SH3RF2: variants seen among roughly 807,000 people sequenced by gnomAD.
SH3RF2 encodes E3 ubiquitin-protein ligase SH3RF2.
A neutral mutation model predicts 59.0 loss-of-function variants in SH3RF2; 43 were observed. The ratio of observed to expected loss-of-function variants is 0.73; its 90% CI spans 0.57 to 0.94. The LOEUF (loss-of-function observed/expected upper bound fraction) is 0.94, where lower values mean the gene tolerates loss of function less well. Among genes scored for constraint, SH3RF2 ranks in the 40% least tolerant of loss-of-function variants. The probability of loss-of-function intolerance (pLI) is 0.00; values close to 1 mark genes in which losing one functional copy is unlikely to be tolerated. For synonymous variants in SH3RF2, 391 were observed against 391.5 expected (o/e 1.00, Z 0.01); for missense variants, 930 against 940.1 (o/e 0.99, Z 0.14).
intron 5 of SH3RF2, among the ~76,000 whole-genome samples, chr5:146,035,460 C>A (rs1457579623): frequency 1.3e-5 from 2 of 151,858 alleles, no homozygotes; most frequent in African/African-American, 2.4e-5. Flanking sequence ...AGGAAAAAAG[C>A]GTCCCTAAAC....
chr5:146,032,084 T>C (rs1761764221), intron 5 of SH3RF2, among the ~76,000 whole-genome samples: 1 of 152,230 alleles, frequency 6.6e-6, no homozygotes, highest in African/African-American at 2.4e-5. Context: ...CTGCTTCCTT[T>C]ATGGTGTATA....
chr5:146,032,663 C>T (rs889352937), intron 5 of SH3RF2, among the ~76,000 whole-genome samples: 2 of 152,190 alleles, frequency 1.3e-5, no homozygotes, highest in Admixed American at 6.5e-5. Flanking sequence ...CAAACCTCAG[C>T]TCAGGGCCAA....
At chr5:146,006,310 A>G (rs528855137) in intron 4 of SH3RF2, among the ~76,000 whole-genome samples, 1 of 151,978 alleles carries the variant, frequency 6.6e-6, no homozygotes, top group Admixed American at 6.6e-5. Context: ...GTTCCCAGCT[A>G]CTCCGGAGGC....
intron 2 of SH3RF2, among the ~76,000 whole-genome samples, chr5:145,964,127 C>T (rs527420486): frequency 1.3e-5 from 2 of 151,814 alleles, no homozygotes; most frequent in Non-Finnish European, 2.9e-5. Context: ...CCACCGTGCC[C>T]GGCCTCTTCC....
intron 2 of SH3RF2, among the ~76,000 whole-genome samples, chr5:145,973,783 G>C (rs943082224): frequency 6.6e-6 from 1 of 152,220 alleles, no homozygotes; most frequent in Admixed American, 6.5e-5. Context: ...TTTCTACTTA[G>C]ACATATAATT....
chr5:146,001,972 C>G (rs1373622611), intron 3 of SH3RF2, among the ~76,000 whole-genome samples: 1 of 152,186 alleles, frequency 6.6e-6, no homozygotes, highest in African/African-American at 2.4e-5. Context: ...CTTTCTAGCT[C>G]AGTAAATTGT....
At position 145,986,154 on chromosome 5, in the gene SH3RF2, A is replaced by G. The variant is rs1272015628; in HGVS notation, c.379-13904A>G. On this transcript the variant is annotated intron_variant, in intron 2 of 9. Coordinates refer to ENST00000359120, the MANE Select transcript of SH3RF2 (RefSeq NM_152550.4). The stretch of plus-strand genomic sequence containing the variant: ...AGTACCTCATTCAAGGACACAGTGT[A>G]TAAGTTGTAAATCACGTTCAGGGGC... 3.9e-5 allele frequency among the ~76,000 whole-genome samples: 6 copies of G among 152,200 alleles called. No individual in the cohort carries two copies. The East Asian group carries it at 1.2e-3, about 29-fold the overall frequency.
At position 145,937,968 on chromosome 5, in the gene SH3RF2, G is replaced by C; in HGVS notation, c.40G>C (p.Val14Leu). 1 of 1,614,180 alleles carries C rather than the reference G, an allele frequency of 6.2e-7. No homozygotes were observed. The highest frequency in any genetic ancestry group is 2.2e-5 in the East Asian group (1 of 44,886). Residue 14 changes from valine (V) to leucine (L), a missense_variant, in exon 2 of 10, where the codon GTG becomes CTG. By Grantham distance (32) the Val-to-Leu change is conservative (BLOSUM62 1). Coordinates refer to ENST00000359120, the MANE Select transcript of SH3RF2 (RefSeq NM_152550.4). ...GTTACTTGATCTTCTGGAGTGCCCTGTGTGCTTTGAGAAGCTCGATGTCAC... is the reference window on the plus strand; with the variant it reads ...GTTACTTGATCTTCTGGAGTGCCCTCTGTGCTTTGAGAAGCTCGATGTCAC... ...LTLLDLLECPVCFEKLDVTAK... is the reference protein window; with the variant it reads ...LTLLDLLECPLCFEKLDVTAK...
intron 9 of SH3RF2, among the ~76,000 whole-genome samples, chr5:146,069,709 G>T (rs1763189106): frequency 6.6e-6 from 1 of 152,130 alleles, no homozygotes; most frequent in South Asian, 2.1e-4. Flanking sequence ...AAGTAGCTGG[G>T]ACTACAGGCG....
chr5:145,978,778 G>C (rs551241370), intron 2 of SH3RF2, among the ~76,000 whole-genome samples: 33 of 152,136 alleles, frequency 2.2e-4, no homozygotes, highest in African/African-American at 6.0e-4. Flanking sequence ...ACATCAATAC[G>C]AGAGAAGTTG....
chr5:146,044,128 G>T (rs80057751), intron 5 of SH3RF2, among the ~76,000 whole-genome samples: 2 of 151,686 alleles, frequency 1.3e-5, no homozygotes, highest in East Asian at 3.9e-4. Flanking sequence ...TGGTATGATT[G>T]GTCCGTTTTT....
intron 4 of SH3RF2, among the ~76,000 whole-genome samples, chr5:146,013,363 C>T (rs1760982139): frequency 1.3e-5 from 2 of 152,158 alleles, no homozygotes; most frequent in South Asian, 4.1e-4. Context: ...GTGGCCAACC[C>T]AGCAGGGGAT....
In SH3RF2 at chr5:146,062,799, G is replaced by C. The variant is rs1762950111; in HGVS notation, c.*98G>C. The C allele has an allele frequency of 6.8e-7, 1 of 1,479,608 alleles. No individual in the cohort carries two copies. The highest frequency in any genetic ancestry group is 9.1e-7 in the Non-Finnish European group (1 of 1,104,280). 91.7% of individuals were successfully genotyped at this position (1,479,608 alleles called of 1,614,324 possible). On this transcript the variant is annotated 3_prime_UTR_variant, in exon 10 of 10. Transcript: ENST00000359120. The stretch of plus-strand genomic sequence containing the variant: ...ATCCTGCCATTCTTTGGGGACTTGA[G>C]CATGGGTCCTTGTTCTTCCTATTTC...
intron 2 of SH3RF2, among the ~76,000 whole-genome samples, chr5:145,991,027 T>C (rs1759913084): frequency 6.6e-6 from 1 of 152,206 alleles, no homozygotes; most frequent in Admixed American, 6.5e-5. Context: ...CAATAATTCA[T>C]GCTATTACAA....
chr5:146,012,742 C>T (rs1288847839), intron 4 of SH3RF2, among the ~76,000 whole-genome samples: 3 of 152,082 alleles, frequency 2.0e-5, no homozygotes, highest in Admixed American at 2.0e-4. Context: ...GGAAATGAAC[C>T]CACAGGGGCT....
rs140888105 is a variant in SH3RF2 at position 145,989,734 on chromosome 5, G to A, written c.379-10324G>A. Reference sequence around the variant, plus strand: ...CCAGGCCAACCTTTCTAAATTGGTGGGAAGCATTGCCAGGGTGTGTCAAAG... The same window carrying A: ...CCAGGCCAACCTTTCTAAATTGGTGAGAAGCATTGCCAGGGTGTGTCAAAG... On this transcript the variant is annotated intron_variant, in intron 2 of 9. Coordinates refer to ENST00000359120, the MANE Select transcript of SH3RF2 (RefSeq NM_152550.4). 1.1e-4 allele frequency among the ~76,000 whole-genome samples: 16 copies of A among 152,248 alleles called. No homozygotes were observed. In the East Asian group the frequency reaches 3.1e-3, roughly 29 times the overall value.
chr5:146,046,399 A>C (rs1052022364), intron 5 of SH3RF2, among the ~76,000 whole-genome samples: 8 of 148,248 alleles, frequency 5.4e-5, no homozygotes, highest in Non-Finnish European at 1.2e-4. Context: ...ATACACAAAC[A>C]ATAGTTGTAC....
At chr5:146,020,298 G>A (rs952982803) in intron 5 of SH3RF2, among the ~76,000 whole-genome samples, 3 of 152,074 alleles carry the variant, frequency 2.0e-5, no homozygotes, top group Non-Finnish European at 2.9e-5. Flanking sequence ...ACACACACAC[G>A]TGCATACACA....
Position 146,058,642 on chromosome 5 carries a change from C to T in SH3RF2, c.1556-1224C>T, listed in dbSNP as rs527753060. Among the ~76,000 whole-genome samples the T allele has an allele frequency of 1.2e-3, 190 of 152,220 alleles. 2 individuals are homozygous for T. Among genetic ancestry groups the T allele is most frequent in the African/African-American group, 3.4e-3 (141 of 41,542 alleles). Reference sequence around the variant, plus strand: ...TTGGAGTGTCACAAAGGACTAACAACGCTGGCTGGGACAAAACCTACAGCT... The same window carrying T: ...TTGGAGTGTCACAAAGGACTAACAATGCTGGCTGGGACAAAACCTACAGCT... On this transcript the variant is annotated intron_variant, in intron 8 of 9. Coordinates refer to ENST00000359120, the MANE Select transcript of SH3RF2 (RefSeq NM_152550.4).
Sources: gnomAD v4.1 joint callset for allele counts (sites outside exome capture counted in the v4.1 genomes callset) on GRCh38, gnomAD v4.1.1 for gene constraint, MANE v1.5 for transcripts, NCBI Gene and HGNC (gene_info 2026-07-23, HGNC 2026-07-21) for gene names.